PDSS2: variants seen among roughly 807,000 people sequenced by gnomAD.
PDSS2 encodes decaprenyl diphosphate synthase subunit 2.
In PDSS2, 31 loss-of-function variants were observed where a neutral mutation model predicts 44.5. The ratio of observed to expected loss-of-function variants is 0.70; its 90% CI spans 0.52 to 0.94. The LOEUF (loss-of-function observed/expected upper bound fraction) is 0.94. PDSS2 is among the 40% of genes least tolerant of loss of function. The probability of loss-of-function intolerance (pLI) is 0.00; values close to 1 mark genes in which losing one functional copy is unlikely to be tolerated. For missense variants in PDSS2, 452 were observed against 482.2 expected (o/e 0.94, Z 0.59); for synonymous variants, 157 against 180.3 (o/e 0.87, Z 1.03).
At chr6:107,220,636 A>T (rs932292519) in intron 4 of PDSS2, among the ~76,000 whole-genome samples, 1 of 152,132 alleles carries the variant, frequency 6.6e-6, no homozygotes. Context: ...TGTGATTAAG[A>T]CTTTATTATT....
chr6:107,219,797 C>T (rs139700947), intron 4 of PDSS2, among the ~76,000 whole-genome samples: 76 of 152,184 alleles, frequency 5.0e-4, no homozygotes, highest in African/African-American at 1.8e-3. Context: ...ATCACTTAGG[C>T]CATATTCAAG....
intron 4 of PDSS2, among the ~76,000 whole-genome samples, chr6:107,233,431 C>A (rs1008768381): frequency 6.6e-6 from 1 of 152,232 alleles, no homozygotes; most frequent in African/African-American, 2.4e-5. Context: ...AAATTCAATA[C>A]AAGATTACTA....
intron 1 of PDSS2, among the ~76,000 whole-genome samples, chr6:107,448,291 T>C (rs1781753484): frequency 6.6e-6 from 1 of 152,236 alleles, no homozygotes; most frequent in Non-Finnish European, 1.5e-5. Flanking sequence ...TTTTCTTTTC[T>C]ATTACAATGT....
chr6:107,318,268 A>G (rs1011272238), intron 2 of PDSS2, among the ~76,000 whole-genome samples: 1 of 152,088 alleles, frequency 6.6e-6, no homozygotes. Flanking sequence ...TCACCAAGGC[A>G]GTCTAAGAGG....
intron 7 of PDSS2, among the ~76,000 whole-genome samples, chr6:107,186,705 C>T (rs900109994): frequency 3.3e-5 from 5 of 152,002 alleles, no homozygotes; most frequent in Admixed American, 6.6e-5. Flanking sequence ...TGAGAACATG[C>T]GGTGTTTGGT....
intron 3 of PDSS2, among the ~76,000 whole-genome samples, chr6:107,250,164 T>C (rs1284893120): frequency 6.8e-6 from 1 of 146,160 alleles, no homozygotes; most frequent in Non-Finnish European, 1.5e-5. Context: ...TAGGGGATGG[T>C]AAGACAAAAA....
At chr6:107,337,683 T>C (rs1777948882) in intron 1 of PDSS2, among the ~76,000 whole-genome samples, 1 of 152,184 alleles carries the variant, frequency 6.6e-6, no homozygotes, top group Admixed American at 6.5e-5. Context: ...TTTTCTCAAC[T>C]CTTAACATTT....
intron 2 of PDSS2, among the ~76,000 whole-genome samples, chr6:107,316,050 A>G (rs1303648252): frequency 6.6e-6 from 1 of 152,256 alleles, no homozygotes; most frequent in Non-Finnish European, 1.5e-5. Flanking sequence ...TGTTAAAAAA[A>G]TAAAAAGTAT....
chr6:107,248,140 CT>C (rs531152121), intron 3 of PDSS2, among the ~76,000 whole-genome samples: 3 of 151,932 alleles, frequency 2.0e-5, no homozygotes, highest in Non-Finnish European at 4.4e-5. Flanking sequence ...AATAATCTGA[CT>C]TTTTTTTGCA....
At chr6:107,225,161 ATTTTTTTTT>A (rs71012786) in intron 4 of PDSS2, among the ~76,000 whole-genome samples, 47 of 50,372 alleles carry the variant, frequency 9.3e-4, no homozygotes, top group African/African-American at 2.2e-3. Context: ...ATATATATAT[ATTTTTTTTT>A]TTTTTTTTTT....
At chr6:107,253,702 T>C (rs1774904483) in intron 3 of PDSS2, among the ~76,000 whole-genome samples, 2 of 152,234 alleles carry the variant, frequency 1.3e-5, no homozygotes, top group Non-Finnish European at 2.9e-5. Flanking sequence ...TTTTTTTAGC[T>C]ACAATAAAAG....
intron 1 of PDSS2, among the ~76,000 whole-genome samples, chr6:107,458,412 CAAAAAAAA>C (rs60758453): frequency 0.35 from 27,351 of 78,622 alleles, 5,100 homozygotes; most frequent in Admixed American, 0.52. Flanking sequence ...GACTCCGTCT[CAAAAAAAA>C]AAAAAAAAAA....
chr6:107,444,474 C>A (rs1471983846), intron 1 of PDSS2, among the ~76,000 whole-genome samples: 2 of 152,224 alleles, frequency 1.3e-5, no homozygotes, highest in African/African-American at 2.4e-5. Flanking sequence ...CTCATGATTA[C>A]TATACTGTCT....
rs59605783 is a variant in PDSS2 at position 107,221,342 on chromosome 6, G to GAA, written c.703-9062_703-9061dup. Among the ~76,000 whole-genome samples the GAA allele has an allele frequency of 7.3e-4, 51 of 70,250 alleles. 1 individual carries two copies. The highest frequency in any genetic ancestry group is 2.3e-3 in the African/African-American group (40 of 17,588). 46.1% of individuals were successfully genotyped at this position (70,250 alleles called of 152,430 possible). On this transcript the variant is annotated intron_variant, in intron 4 of 7. Transcript: ENST00000369037. ...GGGCGACAGAGTGAGACTCCGTCTC[G>GAA]AAAAAAAAAAAAAAAAAAAAAAAAA... is the stretch of plus-strand genomic sequence containing the variant.
intron 1 of PDSS2, among the ~76,000 whole-genome samples, chr6:107,420,602 T>C (rs764091792): frequency 3.9e-5 from 6 of 152,176 alleles, no homozygotes; most frequent in Non-Finnish European, 8.8e-5. Context: ...CAAATCATGC[T>C]GGAACAACTG....
intron 2 of PDSS2, among the ~76,000 whole-genome samples, chr6:107,302,690 AT>A (rs1441401654): frequency 1.3e-5 from 2 of 152,158 alleles, no homozygotes; most frequent in African/African-American, 4.8e-5. Flanking sequence ...ACTTTAAAAA[AT>A]ATCATATAAG....
At chr6:107,286,136 T>TAAAATAAAAAAAAAAA (rs67225192) in intron 2 of PDSS2, among the ~76,000 whole-genome samples, 2 of 128,620 alleles carry the variant, frequency 1.6e-5, no homozygotes, top group Non-Finnish European at 3.2e-5. Flanking sequence ...CGTCGCAAAA[T>TAAAATAAAAAAAAAAA]AAAAAAAAAA....
At chr6:107,317,189 G>A (rs1003064305) in intron 2 of PDSS2, among the ~76,000 whole-genome samples, 2 of 152,090 alleles carry the variant, frequency 1.3e-5, no homozygotes, top group Non-Finnish European at 2.9e-5. Flanking sequence ...TTGTCAGTGC[G>A]TCTCTTTCTT....
chr6:107,393,450 C>A (rs960146693), intron 1 of PDSS2, among the ~76,000 whole-genome samples: 1 of 151,934 alleles, frequency 6.6e-6, no homozygotes, highest in Non-Finnish European at 1.5e-5. Flanking sequence ...GTTCTATGTG[C>A]ACTTAAAAAA....
Sources: allele counts gnomAD v4.1 joint callset (sites outside exome capture counted in the v4.1 genomes callset), GRCh38; gene constraint gnomAD v4.1.1; transcripts MANE v1.5; gene names NCBI Gene and HGNC (gene_info 2026-07-23, HGNC 2026-07-21).